TAGLN3: variants seen among roughly 807,000 people sequenced by gnomAD.
The protein encoded by TAGLN3 is transgelin 3.
In TAGLN3, 12 loss-of-function variants were observed where a neutral mutation model predicts 25.4. The observed-to-expected ratio is 0.47, with a 90% CI of 0.30 to 0.77. The LOEUF is 0.77. TAGLN3 is among the 30% of genes least tolerant of loss of function. TAGLN3 has a pLI of 0.06. For missense variants in TAGLN3, 218 were observed against 255.8 expected, an observed-to-expected ratio of 0.85 and a Z score of 1.01; for synonymous variants, 96 against 94.8, an observed-to-expected ratio of 1.01 and a Z score of -0.08.
intron 3 of TAGLN3, among the ~76,000 whole-genome samples, chr3:112,008,435 C>T (rs2072941719): frequency 6.6e-6 from 1 of 152,202 alleles, no homozygotes; most frequent in South Asian, 2.1e-4. Context: ...CTGCCTCAGC[C>T]TCCCAAAGTG....
At chr3:112,006,094 G>T (rs1462997923) in intron 3 of TAGLN3, among the ~76,000 whole-genome samples, 1 of 152,074 alleles carries the variant, frequency 6.6e-6, no homozygotes, top group Non-Finnish European at 1.5e-5. Flanking sequence ...AGCCGTCACT[G>T]CATTTATTTC....
chr3:112,004,438 G>C (rs1195509137), intron 3 of TAGLN3, among the ~76,000 whole-genome samples: 1 of 151,924 alleles, frequency 6.6e-6, no homozygotes, highest in Non-Finnish European at 1.5e-5. Context: ...GAGCAAGTGA[G>C]TGTGCTGGTG....
intron 3 of TAGLN3, among the ~76,000 whole-genome samples, chr3:112,008,629 T>C (rs1314161988): frequency 6.6e-6 from 1 of 152,102 alleles, no homozygotes; most frequent in African/African-American, 2.4e-5. Context: ...TGGTGCTTGA[T>C]GTGGGCTTCT....
chr3:112,000,336 C>G (rs548825392), intron 2 of TAGLN3, among the ~76,000 whole-genome samples: 1 of 152,258 alleles, frequency 6.6e-6, no homozygotes, highest in African/African-American at 2.4e-5. Context: ...TAAATTGAAG[C>G]CTGCTTAATT....
intron 3 of TAGLN3, among the ~76,000 whole-genome samples, chr3:112,002,801 T>C (rs1024912376): frequency 1.3e-5 from 2 of 152,230 alleles, no homozygotes; most frequent in Non-Finnish European, 2.9e-5. Flanking sequence ...AGGTAAACTT[T>C]ACTCGTCAGA....
At position 112,000,916 on chromosome 3, in the gene TAGLN3, G is replaced by A; in HGVS notation, c.325G>A (p.Asp109Asn). The A allele has an allele frequency of 2.5e-6, 4 of 1,614,088 alleles. No individual in the cohort carries two copies. The highest frequency in any genetic ancestry group is 1.3e-5 in the African/African-American group (1 of 75,000). Reference protein sequence around the residue: ...AAETYGVRTTDIFQTVDLWEG... With the variant: ...AAETYGVRTTNIFQTVDLWEG... Reference sequence around the variant, plus strand: ...GGAGACCTATGGTGTCAGAACCACCGACATCTTTCAGACGGTGGATCTATG... The same window carrying A: ...GGAGACCTATGGTGTCAGAACCACCAACATCTTTCAGACGGTGGATCTATG... Residue 109 changes from aspartate (D) to asparagine (N), a missense_variant, in exon 3 of 5, where the codon GAC (aspartate) becomes AAC (asparagine). Coordinates refer to ENST00000478951, the MANE Select transcript of TAGLN3 (RefSeq NM_001008272.2).
chr3:112,000,608 A>G (rs1322485543), intron 2 of TAGLN3, 164 bp from the exon 3 acceptor site: 2 of 674,954 alleles, frequency 3.0e-6, no homozygotes, highest in Admixed American at 2.4e-5. Flanking sequence ...GGCTTAGTAT[A>G]GGAGCCTGGC....
At chr3:112,006,559 A>G (rs6773379) in intron 3 of TAGLN3, among the ~76,000 whole-genome samples, 63,634 of 152,114 alleles carry the variant, frequency 0.42, 13,806 homozygotes, top group Non-Finnish European at 0.5. Flanking sequence ...GGAAAAATCC[A>G]GTATTCTAAG....
chr3:112,001,525 G>A (rs1025192568), intron 3 of TAGLN3, among the ~76,000 whole-genome samples: 1 of 152,182 alleles, frequency 6.6e-6, no homozygotes, highest in Non-Finnish European at 1.5e-5. Context: ...TCACACTCCT[G>A]GATGTATTTA....
chr3:112,005,732 C>T (rs1437710091), intron 3 of TAGLN3, among the ~76,000 whole-genome samples: 1 of 129,228 alleles, frequency 7.7e-6, no homozygotes, highest in African/African-American at 2.8e-5. Flanking sequence ...TGGAGTCTCA[C>T]TCTGTCGCCC....
rs1169410646 is a variant in TAGLN3, at chr3:112,013,737, G to C, written c.*186G>C. 1.2e-6 allele frequency: 1 copy of C among 821,544 alleles called. No homozygotes were observed. Among genetic ancestry groups the C allele is most frequent in the African/African-American group, 1.7e-5 (1 of 59,266 alleles). The allele number at this position is 821,544 out of a possible 1,614,324, so 50.9% of individuals were successfully genotyped here. ...ACTGCTGCCACCTCCTGTTCATTTA[G>C]AACTATGCAAAGACTCCGCTTCCGT... On this transcript the variant is annotated 3_prime_UTR_variant, in exon 5 of 5. Transcript: ENST00000478951.
intron 3 of TAGLN3, among the ~76,000 whole-genome samples, chr3:112,008,443 G>C (rs1040861432): frequency 6.6e-6 from 1 of 152,132 alleles, no homozygotes; most frequent in African/African-American, 2.4e-5. Context: ...GCCTCCCAAA[G>C]TGTTGAAATT....
chr3:112,007,131 A>C (rs2107723267), intron 3 of TAGLN3, among the ~76,000 whole-genome samples: 1 of 152,286 alleles, frequency 6.6e-6, no homozygotes, highest in East Asian at 1.9e-4. Flanking sequence ...AGCAAAATTG[A>C]GAGGAAGGTA....
intron 3 of TAGLN3, among the ~76,000 whole-genome samples, chr3:112,008,794 T>A (rs2072946868): frequency 6.6e-6 from 1 of 152,214 alleles, no homozygotes; most frequent in Non-Finnish European, 1.5e-5. Context: ...CTGGTCATAG[T>A]GTTATTTAGA....
At chr3:112,008,247 A>G (rs567439285) in intron 3 of TAGLN3, among the ~76,000 whole-genome samples, 1 of 152,332 alleles carries the variant, frequency 6.6e-6, no homozygotes, top group African/African-American at 2.4e-5. Context: ...AGGCTTTGTC[A>G]TTAGGCAGAT....
intron 3 of TAGLN3, among the ~76,000 whole-genome samples, chr3:112,003,315 C>G (rs564840519): frequency 1.3e-5 from 2 of 152,180 alleles, no homozygotes; most frequent in East Asian, 3.9e-4. Flanking sequence ...ATGCTGGTCA[C>G]CATACAACAG....
chr3:112,000,628 C>G, intron 2 of TAGLN3, 144 bp from the exon 3 acceptor site: 1 of 823,762 alleles, frequency 1.2e-6, no homozygotes, highest in Non-Finnish European at 2.0e-6. Flanking sequence ...CTACACAGCC[C>G]AGAGCCCGTG....
At chr3:112,012,526 TA>T (rs1172451912) in intron 4 of TAGLN3, among the ~76,000 whole-genome samples, 2 of 152,056 alleles carry the variant, frequency 1.3e-5, no homozygotes, top group African/African-American at 4.8e-5. Context: ...GCAGGAAGCT[TA>T]AACTGGGTAA....
At chr3:112,009,044 G>T (rs115178508) in intron 3 of TAGLN3, among the ~76,000 whole-genome samples, 346 of 152,180 alleles carry the variant, frequency 2.3e-3, no homozygotes, top group Non-Finnish European at 4.1e-3. Context: ...GAAAGTAAAG[G>T]TGCCAGGCTC....
Sources: allele counts gnomAD v4.1 joint callset (sites outside exome capture counted in the v4.1 genomes callset), GRCh38; gene constraint gnomAD v4.1.1; transcripts MANE v1.5; gene names NCBI Gene and HGNC (gene_info 2026-07-23, HGNC 2026-07-21).